The following NDUFA10 variants were observed in gnomAD, a reference collection of about 807,000 sequenced individuals.
The protein encoded by NDUFA10 is NADH dehydrogenase [ubiquinone] 1 alpha subcomplex subunit 10, mitochondrial.
Under a neutral mutation model 47.8 loss-of-function variants are expected in NDUFA10, and 40 were observed. The observed-to-expected ratio is 0.84, with a 90% confidence interval of 0.65 to 1.09. NDUFA10 has a LOEUF of 1.09. Ranked by LOEUF, NDUFA10 falls within the 50% of genes least tolerant of loss-of-function variation. NDUFA10 has a pLI of 0.00. For missense variants in NDUFA10, 413 were observed against 451.1 expected (o/e 0.92, Z 0.76); for synonymous variants, 183 against 172.2 (o/e 1.06, Z -0.49).
At chr2:240,006,817 C>G (rs1696965419) in intron 7 of NDUFA10, among the ~76,000 whole-genome samples, 1 of 152,128 alleles carries the variant, frequency 6.6e-6, no homozygotes, top group Non-Finnish European at 1.5e-5. Context: ...GCATTAACAC[C>G]ACAATGCTCT....
intron 2 of NDUFA10, among the ~76,000 whole-genome samples, 158 bp from the exon 3 acceptor site, chr2:240,021,570 C>T (rs138885690): frequency 6.6e-5 from 10 of 152,286 alleles, no homozygotes; most frequent in South Asian, 2.1e-4. Flanking sequence ...GGTTTCATCA[C>T]GTATGAAGGG....
intron 4 of NDUFA10, among the ~76,000 whole-genome samples, chr2:239,916,355 CACAT>C (rs1449301219): frequency 6.6e-6 from 1 of 151,780 alleles, no homozygotes; most frequent in Non-Finnish European, 1.5e-5. Context: ...CACACAGACA[CACAT>C]ACACAGACAT....
chr2:239,944,824 G>C (rs893167335), intron 4 of NDUFA10, among the ~76,000 whole-genome samples: 2 of 152,090 alleles, frequency 1.3e-5, no homozygotes, highest in Non-Finnish European at 2.9e-5. Flanking sequence ...CAGAGCCTTG[G>C]GGCCATAGTA....
intron 4 of NDUFA10, among the ~76,000 whole-genome samples, chr2:239,936,476 A>G (rs1694267935): frequency 6.6e-6 from 1 of 152,212 alleles, no homozygotes; most frequent in Non-Finnish European, 1.5e-5. Context: ...CATAGCAGGC[A>G]CAACACCGAG....
intron 4 of NDUFA10, among the ~76,000 whole-genome samples, chr2:239,941,805 T>C (rs996628971): frequency 6.6e-6 from 1 of 152,020 alleles, no homozygotes; most frequent in African/African-American, 2.4e-5. Flanking sequence ...ACCATCTACA[T>C]CAGTGAACAA....
At chr2:239,950,667 C>T (rs987146112) in intron 4 of NDUFA10, among the ~76,000 whole-genome samples, 5 of 152,180 alleles carry the variant, frequency 3.3e-5, no homozygotes, top group African/African-American at 7.2e-5. Context: ...AACACTGGTA[C>T]GGATAGGAGC....
chr2:239,986,278 A>C (rs547565835), intron 9 of NDUFA10, among the ~76,000 whole-genome samples: 1 of 152,366 alleles, frequency 6.6e-6, no homozygotes, highest in East Asian at 1.9e-4. Context: ...CTTCAAGTTC[A>C]AATGGAAAGC....
intron 9 of NDUFA10, among the ~76,000 whole-genome samples, chr2:239,988,656 G>A (rs544718018): frequency 9.2e-5 from 14 of 152,278 alleles, no homozygotes; most frequent in African/African-American, 2.2e-4. Flanking sequence ...TGAAACAGAC[G>A]CAACAGGACC....
At chr2:240,018,439 T>C in intron 4 of NDUFA10, 114 bp downstream of exon 4, 1 of 1,592,662 alleles carries the variant, frequency 6.3e-7, no homozygotes. Context: ...AGTAATGGCA[T>C]TTATTCATCT....
At chr2:239,897,100 G>A (rs961059326) in intron 4 of NDUFA10, among the ~76,000 whole-genome samples, 1 of 152,108 alleles carries the variant, frequency 6.6e-6, no homozygotes, top group Admixed American at 6.5e-5. Context: ...AATGAAGACT[G>A]AACTATGATC....
intron 9 of NDUFA10, among the ~76,000 whole-genome samples, chr2:239,979,181 G>A (rs544097558): frequency 6.6e-6 from 1 of 152,306 alleles, no homozygotes; most frequent in African/African-American, 2.4e-5. Context: ...AAGTATGCCT[G>A]GGATTCCTAA....
intron 5 of NDUFA10, 98 bp from the exon 6 acceptor site, chr2:240,011,794 T>C: frequency 9.2e-7 from 1 of 1,081,728 alleles, no homozygotes; most frequent in Non-Finnish European, 1.4e-6. Context: ...TGACCACCAT[T>C]TTCTTACAAC....
intron 4 of NDUFA10, among the ~76,000 whole-genome samples, chr2:239,933,048 G>A (rs11684384): frequency 0.13 from 20,480 of 152,064 alleles, 1,455 homozygotes; most frequent in South Asian, 0.15. Context: ...TCTGTCTCCC[G>A]TGGCAGGGCC....
intron 4 of NDUFA10, chr2:240,017,802 A>G: frequency 1.9e-6 from 3 of 1,551,922 alleles, no homozygotes; most frequent in Non-Finnish European, 2.6e-6. Context: ...CGCCTCCTCC[A>G]CAGAATGGTC....
At chr2:240,007,954 G>A (rs1470683753) in intron 6 of NDUFA10, among the ~76,000 whole-genome samples, 1 of 152,054 alleles carries the variant, frequency 6.6e-6, no homozygotes, top group Non-Finnish European at 1.5e-5. Flanking sequence ...AAACATACAG[G>A]GTAAGTAAAT....
At chr2:240,013,465 A>G (rs1341667126) in intron 5 of NDUFA10, 1 of 152,278 alleles carries the variant, frequency 6.6e-6, no homozygotes, top group East Asian at 1.9e-4. Context: ...TGTCAGCATA[A>G]TAAGCAAAGG....
Position 239,969,755 on chromosome 2 carries a change from T to C in NDUFA10, c.1000-8569A>G, listed in dbSNP as rs1487290838. The C allele has an allele frequency of 6.4e-6, 3 of 471,322 alleles. No individual in the cohort carries two copies. The East Asian group carries it at 2.1e-4, about 33-fold the overall frequency. 29.2% of individuals were successfully genotyped at this position (471,322 alleles called of 1,614,324 possible). On this transcript the variant is annotated intron_variant, in intron 9 of 9. Coordinates refer to ENST00000252711, the MANE Select transcript of NDUFA10 (RefSeq NM_004544.4). ...ATCTAATCTCTTGGCTTCTGATTCT[T>C]GGAAGACCTAAACCAACACAATGCA...
rs563484603 is a variant in NDUFA10, at chr2:239,959,993, C to T, written c.*1125G>A. On this transcript the variant is annotated 3_prime_UTR_variant, in exon 10 of 10. Transcript: ENST00000252711. ...CAGCACTGGAACTACTGCCCACAGG[C>T]GGCTGTGGAGTGCCTGAACTATGGC... 18 of 985,254 alleles carry T rather than the reference C, an allele frequency of 1.8e-5. No homozygotes were observed. In the African/African-American group the frequency reaches 2.8e-4, roughly 15 times the overall value. The allele number at this position is 985,254 out of a possible 1,614,324, so 61.0% of individuals were successfully genotyped here.
At chr2:239,920,198 G>C (rs1454004025) in intron 4 of NDUFA10, among the ~76,000 whole-genome samples, 1 of 152,230 alleles carries the variant, frequency 6.6e-6, no homozygotes, top group Non-Finnish European at 1.5e-5. Flanking sequence ...CCAACCCCGT[G>C]TGAGGGTTCA....
Sources: allele counts gnomAD v4.1 joint callset (sites outside exome capture counted in the v4.1 genomes callset), GRCh38; gene constraint gnomAD v4.1.1; transcripts MANE v1.5; gene names NCBI Gene and HGNC (gene_info 2026-07-23, HGNC 2026-07-21).